EEFSEC: variants seen among roughly 807,000 people sequenced by gnomAD.
EEFSEC encodes the protein selenocysteine-specific elongation factor.
In EEFSEC, 43 loss-of-function variants were observed where a neutral mutation model predicts 42.1. The observed-to-expected ratio is 1.02, with a 90% CI of 0.80 to 1.32. The LOEUF (loss-of-function observed/expected upper bound fraction) is 1.32, where lower values mean the gene tolerates loss of function less well. EEFSEC is among the 40% of genes most tolerant of loss of function. The probability of loss-of-function intolerance (pLI) is 0.00; values close to 1 mark genes in which losing one functional copy is unlikely to be tolerated. For missense variants in EEFSEC, 745 were observed against 803.6 expected, an observed-to-expected ratio of 0.93 and a Z score of 0.88; for synonymous variants, 354 against 339.1, an observed-to-expected ratio of 1.04 and a Z score of -0.48.
At chr3:128,328,367 T>C (rs1464964378) in intron 4 of EEFSEC, among the ~76,000 whole-genome samples, 2 of 152,160 alleles carry the variant, frequency 1.3e-5, no homozygotes, top group Non-Finnish European at 2.9e-5. Flanking sequence ...TCAAGCCACA[T>C]GCGCCGTCCA....
Position 128,175,551 on chromosome 3 carries a change from G to A in EEFSEC, c.316+21728G>A, listed in dbSNP as rs1446097933. 3.3e-5 allele frequency among the ~76,000 whole-genome samples: 5 copies of A among 152,280 alleles called. No homozygotes were observed. In the East Asian group the frequency reaches 9.7e-4, roughly 29 times the overall value. ...TGGGATCCCAGGCAACATGAAGGCT[G>A]GCAGATGCTGAGGGAGTTCTCTAGG... On this transcript the variant is annotated intron_variant, in intron 1 of 6. Transcript: ENST00000254730.
intron 1 of EEFSEC, among the ~76,000 whole-genome samples, chr3:128,199,021 A>G (rs181779012): frequency 6.6e-6 from 1 of 152,178 alleles, no homozygotes; most frequent in Non-Finnish European, 1.5e-5. Flanking sequence ...TAGTAGAGAC[A>G]GGGTTTCACT....
chr3:128,392,402 G>A (rs368355414), intron 6 of EEFSEC, among the ~76,000 whole-genome samples: 21 of 152,370 alleles, frequency 1.4e-4, no homozygotes, highest in African/African-American at 5.0e-4. Context: ...CAGGCATGCA[G>A]TCTTGCACAG....
At chr3:128,423,266 T>C in the EEFSEC span, among the ~76,000 whole-genome samples, 2 of 152,102 alleles carry the variant, frequency 1.3e-5, no homozygotes, top group South Asian at 2.1e-4. Context: ...ATACACAAAA[T>C]ATCTATCTAC....
the EEFSEC span, among the ~76,000 whole-genome samples, chr3:128,421,731 A>G: frequency 1.3e-5 from 2 of 152,110 alleles, no homozygotes; most frequent in African/African-American, 4.8e-5. Context: ...CTATCTCACC[A>G]TCGCCACAGG....
chr3:128,251,639 T>G (rs1047026202), intron 2 of EEFSEC, among the ~76,000 whole-genome samples: 32 of 152,224 alleles, frequency 2.1e-4, no homozygotes, highest in African/African-American at 7.5e-4. Flanking sequence ...GTTTGCCTCT[T>G]GCAATTTTAA....
chr3:128,307,184 C>T (rs1035734764), intron 4 of EEFSEC, among the ~76,000 whole-genome samples: 1 of 152,240 alleles, frequency 6.6e-6, no homozygotes, highest in East Asian at 1.9e-4. Context: ...CAAGCTTTTC[C>T]CAAGGCTGGC....
chr3:128,417,111 CA>C, the EEFSEC span, among the ~76,000 whole-genome samples: 7 of 152,136 alleles, frequency 4.6e-5, no homozygotes, highest in Admixed American at 2.0e-4. This position sits in a 1 kb window ranked among gnomAD's most constrained non-coding sequence, Gnocchi z 4.3. Context: ...CAGACCCAAT[CA>C]CCTCCTGCTT....
intron 4 of EEFSEC, among the ~76,000 whole-genome samples, chr3:128,306,675 G>A (rs1055849172): frequency 2.0e-4 from 30 of 152,186 alleles, no homozygotes; most frequent in Admixed American, 1.4e-3. Context: ...ATGGGTAGTT[G>A]AAAGTACCTA....
At chr3:128,299,299 T>A (rs1451196382) in intron 4 of EEFSEC, among the ~76,000 whole-genome samples, 1 of 152,232 alleles carries the variant, frequency 6.6e-6, no homozygotes, top group Non-Finnish European at 1.5e-5. Flanking sequence ...GTCGTTTGGA[T>A]TTGCATTTCC....
intron 6 of EEFSEC, among the ~76,000 whole-genome samples, chr3:128,405,146 A>G (rs2068094495): frequency 6.6e-6 from 1 of 151,886 alleles, no homozygotes; most frequent in African/African-American, 2.4e-5. Context: ...CCTCTCGAGT[A>G]GCTGGGACTA....
chr3:128,299,578 G>A (rs1373001088), intron 4 of EEFSEC, among the ~76,000 whole-genome samples: 2 of 152,158 alleles, frequency 1.3e-5, no homozygotes, highest in Non-Finnish European at 2.9e-5. Flanking sequence ...TGAGTGCTCT[G>A]TGAAGACAAA....
At chr3:128,380,462 T>A (rs1053035845) in intron 6 of EEFSEC, among the ~76,000 whole-genome samples, 2 of 152,128 alleles carry the variant, frequency 1.3e-5, no homozygotes, top group Non-Finnish European at 2.9e-5. Flanking sequence ...CCCTATCTTG[T>A]TTGGGGGAAG....
At chr3:128,400,889 G>A (rs114639481) in intron 6 of EEFSEC, among the ~76,000 whole-genome samples, 2,245 of 152,288 alleles carry the variant, frequency 0.015, 51 homozygotes, top group African/African-American at 0.051. Flanking sequence ...TGGAGCTGGC[G>A]CTTGGTGAGA....
chr3:128,258,420 C>T (rs530170536), intron 2 of EEFSEC, among the ~76,000 whole-genome samples: 37 of 152,268 alleles, frequency 2.4e-4, no homozygotes, highest in Admixed American at 1.9e-3. Flanking sequence ...GCTTCACCTG[C>T]GACCCTTTAG....
intron 4 of EEFSEC, among the ~76,000 whole-genome samples, chr3:128,297,739 A>AT: frequency 6.9e-6 from 1 of 145,534 alleles, no homozygotes; most frequent in Non-Finnish European, 1.5e-5. Context: ...AAAATTAGAT[A>AT]TTTTTTGAAA....
Position 128,398,473 on chromosome 3 carries a change from T to A in EEFSEC, c.1601-9596T>A, listed in dbSNP as rs144320637. 3.3e-5 allele frequency among the ~76,000 whole-genome samples: 5 copies of A among 152,264 alleles called. No homozygotes were observed. In the East Asian group the frequency reaches 7.7e-4, roughly 24 times the overall value. On this transcript the variant is annotated intron_variant, in intron 6 of 6. Coordinates refer to ENST00000254730, the MANE Select transcript of EEFSEC (RefSeq NM_021937.5). ...CCCTGTCTGAGTGGTTGTGAGGGAC[T>A]GAAGAGGTCTTCAGTGAGCAGCTGA...
At chr3:128,218,331 TTTC>T (rs1185324292) in intron 1 of EEFSEC, among the ~76,000 whole-genome samples, 1 of 152,220 alleles carries the variant, frequency 6.6e-6, no homozygotes, top group African/African-American at 2.4e-5. Flanking sequence ...ACTTTCAGCC[TTTC>T]TTTCTTCATT....
At chr3:128,250,544 A>G (rs1052483744) in intron 2 of EEFSEC, among the ~76,000 whole-genome samples, 41 of 152,098 alleles carry the variant, frequency 2.7e-4, no homozygotes, top group African/African-American at 9.9e-4. Flanking sequence ...AAATCGATTG[A>G]CCATATATGT....
Sources: gnomAD v4.1 joint callset for allele counts (sites outside exome capture counted in the v4.1 genomes callset) on GRCh38, gnomAD v4.1.1 for gene constraint, Gnocchi (gnomAD v3.1) non-coding constraint, MANE v1.5 for transcripts, NCBI Gene and HGNC (gene_info 2026-07-23, HGNC 2026-07-21) for gene names.